Variants in FAR1 observed in about 807,000 individuals in gnomAD.
The protein encoded by FAR1 is fatty acyl-CoA reductase 1.
Under a neutral mutation model 61.1 loss-of-function variants are expected in FAR1, and 22 were observed. The observed-to-expected ratio is 0.36, with a 90% CI of 0.26 to 0.51. FAR1 has a LOEUF of 0.51. Ranked by LOEUF, FAR1 falls within the 20% of genes least tolerant of loss-of-function variation. The pLI is 0.95. For synonymous variants in FAR1, 206 were observed against 209.7 expected (o/e 0.98, Z 0.15); for missense variants, 359 against 626.9 (o/e 0.57, Z 4.56).
chr11:13,711,239 TG>T (rs1171597642), intron 5 of FAR1: 1 of 238,700 alleles, frequency 4.2e-6, no homozygotes, highest in Non-Finnish European at 8.0e-6. Flanking sequence ...TTAGGGTATT[TG>T]TGAATTCCTG....
In FAR1 at chr11:13,708,365, CAAAAAACAAAA is replaced by C. The variant is rs575864709; in HGVS notation, c.545+294_545+304del. On this transcript the variant is annotated intron_variant, in intron 4 of 11. Transcript: ENST00000354817. ...ACAGTGAAACTCTGTCTCAAAAAAA[CAAAAAACAAAA>C]AAAAAACCTTTGGATTCAAGTCCCT... 1.0e-4 allele frequency among the ~76,000 whole-genome samples: 15 copies of C among 148,740 alleles called. No homozygotes were observed. The South Asian group carries it at 3.2e-3, about 32-fold the overall frequency.
At chr11:13,722,931 ATCT>A (rs1848627962) in intron 10 of FAR1, among the ~76,000 whole-genome samples, 1 of 151,138 alleles carries the variant, frequency 6.6e-6, no homozygotes, top group Admixed American at 6.6e-5. Context: ...TCTCCTTATG[ATCT>A]TCTTTCTGCC....
chr11:13,704,930 A>G (rs977847512), intron 3 of FAR1, among the ~76,000 whole-genome samples: 1 of 152,164 alleles, frequency 6.6e-6, no homozygotes. Context: ...ACTGCTAGTT[A>G]TATGTTATGC....
At position 13,712,999 on chromosome 11, in the gene FAR1, A is replaced by T; in HGVS notation, c.921A>T (p.Thr307=). 6 of 1,613,248 alleles carry T rather than the reference A, an allele frequency of 3.7e-6. No individual in the cohort carries two copies. Among genetic ancestry groups the T allele is most frequent in the Non-Finnish European group, 5.1e-6 (6 of 1,179,330 alleles). ...ACATCATGGTGTATAATTGTACAAC[A>T]GGCAGCACTAATCCTTTCCACTGGG... ...PRNIMVYNCT[T]GSTNPFHWGE... is the part of the protein sequence containing the mutation. Residue 307 remains threonine, a synonymous_variant, in exon 8 of 12, where the codon ACA becomes ACT. Coordinates refer to ENST00000354817, the MANE Select transcript of FAR1 (RefSeq NM_032228.6).
intron 3 of FAR1, among the ~76,000 whole-genome samples, chr11:13,700,857 T>G (rs1423844502): frequency 6.6e-6 from 1 of 152,118 alleles, no homozygotes; most frequent in Non-Finnish European, 1.5e-5. Flanking sequence ...CATATCCATG[T>G]GAAAATAAAC....
intron 1 of FAR1, chr11:13,686,584 G>A (rs568527338): frequency 6.6e-6 from 1 of 152,068 alleles, no homozygotes; most frequent in Non-Finnish European, 1.5e-5. Flanking sequence ...GAGAAGAAGG[G>A]AACAAGTAGA....
At chr11:13,675,732 G>A (rs1428703373) in intron 1 of FAR1, among the ~76,000 whole-genome samples, 1 of 152,138 alleles carries the variant, frequency 6.6e-6, no homozygotes, top group Non-Finnish European at 1.5e-5. Flanking sequence ...TTGTGTGTGT[G>A]TGTTTAACTT....
intron 4 of FAR1, among the ~76,000 whole-genome samples, chr11:13,708,428 T>C (rs1848458164): frequency 8.3e-6 from 1 of 120,448 alleles, no homozygotes; most frequent in Admixed American, 9.0e-5. Context: ...CCACCCCATA[T>C]ACATGTGCGC....
At chr11:13,689,817 G>A (rs183446316) in intron 1 of FAR1, among the ~76,000 whole-genome samples, 1 of 150,624 alleles carries the variant, frequency 6.6e-6, no homozygotes, top group African/African-American at 2.4e-5. Flanking sequence ...TCACATAGGG[G>A]TTTTAACTTG....
At chr11:13,723,983 A>C (rs1217404613) in intron 10 of FAR1, among the ~76,000 whole-genome samples, 1 of 152,208 alleles carries the variant, frequency 6.6e-6, no homozygotes, top group Non-Finnish European at 1.5e-5. Context: ...GATTTGCAGC[A>C]TCTGATTCTG....
chr11:13,706,544 A>T (rs953405727), intron 3 of FAR1, among the ~76,000 whole-genome samples: 1 of 152,034 alleles, frequency 6.6e-6, no homozygotes, highest in Non-Finnish European at 1.5e-5. Flanking sequence ...CATTTACAAC[A>T]TGTTTTGAAA....
intron 1 of FAR1, among the ~76,000 whole-genome samples, chr11:13,673,135 G>A (rs1848029382): frequency 6.6e-6 from 1 of 152,132 alleles, no homozygotes; most frequent in Non-Finnish European, 1.5e-5. Flanking sequence ...CAGAAGTCAA[G>A]AAAATAAGCT....
At chr11:13,695,089 T>G in intron 2 of FAR1, 135 bp downstream of exon 2, 1 of 689,640 alleles carries the variant, frequency 1.5e-6, no homozygotes, top group Non-Finnish European at 2.2e-6. Flanking sequence ...ACTTAGTAAG[T>G]TCCTACAGGA....
rs796773892 is a variant in FAR1, at chr11:13,680,685, G to A, written c.-8+11879G>A. ...GCCAGTTCTTGTGGCTGAGAACTGA[G>A]CCAGTTCTCACTATGAGTGAGAACG... On this transcript the variant is annotated intron_variant, in intron 1 of 11. Transcript: ENST00000354817. 3.3e-5 allele frequency among the ~76,000 whole-genome samples: 5 copies of A among 152,118 alleles called. No homozygotes were observed. The South Asian group carries it at 1.0e-3, about 32-fold the overall frequency.
intron 10 of FAR1, among the ~76,000 whole-genome samples, chr11:13,724,266 G>A (rs181559430): frequency 4.2e-4 from 64 of 150,952 alleles, no homozygotes; most frequent in Non-Finnish European, 7.9e-4. Context: ...AGACAGTAGG[G>A]GCCGGGCGTG....
At chr11:13,719,784 G>A (rs1848590196) in intron 9 of FAR1, 1 of 152,112 alleles carries the variant, frequency 6.6e-6, no homozygotes, top group African/African-American at 2.4e-5. Flanking sequence ...ATGCAAGATA[G>A]CCCTCCACAC....
intron 9 of FAR1, among the ~76,000 whole-genome samples, chr11:13,719,282 T>TA (rs1848584661): frequency 6.6e-6 from 1 of 152,228 alleles, no homozygotes; most frequent in East Asian, 1.9e-4. Context: ...GGACAGATCC[T>TA]TGACCTCCGG....
At chr11:13,679,304 G>T (rs1390026806) in intron 1 of FAR1, among the ~76,000 whole-genome samples, 1 of 151,964 alleles carries the variant, frequency 6.6e-6, no homozygotes, top group East Asian at 1.9e-4. Context: ...AAGTGATCAA[G>T]CACAATAGTT....
chr11:13,711,133 G>A (rs1201819558), intron 5 of FAR1: 1 of 412,588 alleles, frequency 2.4e-6, no homozygotes, highest in Non-Finnish European at 4.3e-6. Context: ...TAAGTCAGAG[G>A]AGATTTGGTT....
Sources: gnomAD v4.1 joint callset for allele counts (sites outside exome capture counted in the v4.1 genomes callset) on GRCh38, gnomAD v4.1.1 for gene constraint, MANE v1.5 for transcripts, NCBI Gene and HGNC (gene_info 2026-07-23, HGNC 2026-07-21) for gene names.